The following FAM83H variants were observed in gnomAD, a reference collection of about 807,000 sequenced individuals.
FAM83H encodes scaffolding CK1 anchoring protein H.
A neutral mutation model predicts 30.2 loss-of-function variants in FAM83H; 24 were observed. The ratio of observed to expected loss-of-function variants is 0.79; its 90% CI spans 0.57 to 1.12. The LOEUF (loss-of-function observed/expected upper bound fraction) is 1.12, where lower values mean the gene tolerates loss of function less well. Among genes scored for constraint, FAM83H ranks in the 50% most tolerant of loss-of-function variants. The pLI is 0.00. For missense variants in FAM83H, 2,038 were observed against 1,773.9 expected (o/e 1.15, Z -2.67); for synonymous variants, 1,013 against 821.7 (o/e 1.23, Z -3.98).
At position 143,726,944 on chromosome 8, in the gene FAM83H, C is replaced by G; in HGVS notation, c.2517G>C (p.Gln839His). 6.2e-7 allele frequency: 1 copy of G among 1,611,254 alleles called. No individual in the cohort carries two copies. The highest frequency in any genetic ancestry group is 8.5e-7 in the Non-Finnish European group (1 of 1,179,440). Residue 839 changes from glutamine to histidine, a missense_variant, in exon 5 of 5, where the codon CAG becomes CAC. By Grantham distance (24) the Gln-to-His change is conservative. Transcript: ENST00000388913. The stretch of plus-strand genomic sequence containing the variant: ...GCCCTTGCGGGGACGTTGAGTGGCT[C>G]TGGGCAGAGAGGAAGCGGGAAGGCA... ...DRLPSRFLSA[Q>H]SHSTSPQGLD...
In FAM83H at chr8:143,726,718, G is replaced by T. The variant is rs1554622017; in HGVS notation, c.2743C>A (p.Pro915Thr). Reference protein sequence around the residue: ...TSAYPERRGSPVPPVPERRSS... With the variant: ...TSAYPERRGSTVPPVPERRSS... ...CTGCGCTCCGGCACGGGGGGCACCGGACTACCCCTGCGCTCGGGGTAGGCT... is the reference window on the plus strand; with the variant it reads ...CTGCGCTCCGGCACGGGGGGCACCGTACTACCCCTGCGCTCGGGGTAGGCT... Residue 915 changes from proline (P) to threonine (T), a missense_variant, in exon 5 of 5, where the codon CCG (proline) becomes ACG (threonine). Coordinates refer to ENST00000388913, the MANE Select transcript of FAM83H (RefSeq NM_198488.5). The T allele has an allele frequency of 6.2e-7, 1 of 1,608,186 alleles. No homozygotes were observed. Among genetic ancestry groups the T allele is most frequent in the Non-Finnish European group, 8.5e-7 (1 of 1,178,572 alleles).
In FAM83H at chr8:143,725,156, C is replaced by CGGGGGGGGGGGGGGGGGGG. The variant is rs549881150; in HGVS notation, c.*764_*765insCCCCCCCCCCCCCCCCCCC. ...AAGCCCAGGCGGGGGAGGGGGGAGACGGGGGGGGGGGGGGGGGAGGGAAGG... is the reference window on the plus strand; with the variant it reads ...AAGCCCAGGCGGGGGAGGGGGGAGACGGGGGGGGGGGGGGGGGGGGGGGGGGGGGGGGGGGGAGGGAAGG... On this transcript the variant is annotated 3_prime_UTR_variant, in exon 5 of 5. Coordinates refer to ENST00000388913, the MANE Select transcript of FAM83H (RefSeq NM_198488.5). The CGGGGGGGGGGGGGGGGGGG allele has an allele frequency of 1.3e-4, 5 of 37,572 alleles. 1 individual carries two copies. Among genetic ancestry groups the CGGGGGGGGGGGGGGGGGGG allele is most frequent in the Admixed American group, 4.7e-4 (2 of 4,226 alleles). 2.3% of individuals were successfully genotyped at this position (37,572 alleles called of 1,614,324 possible).
At chr8:143,728,876 C>T in intron 4 of FAM83H, 91 bp downstream of exon 4, 10 of 1,605,486 alleles carry the variant, frequency 6.2e-6, no homozygotes, top group Non-Finnish European at 6.8e-6. Flanking sequence ...GACAAGGGCT[C>T]CTGGCGAGGA....
Position 143,725,788 on chromosome 8 carries a change from A to G in FAM83H, c.*133T>C. 2.7e-6 allele frequency: 4 copies of G among 1,475,390 alleles called. No homozygotes were observed. Among genetic ancestry groups the G allele is most frequent in the Non-Finnish European group, 3.7e-6 (4 of 1,095,614 alleles). The allele number at this position is 1,475,390 out of a possible 1,614,324, so 91.4% of individuals were successfully genotyped here. A position where few individuals can be genotyped will look rare whatever the true frequency, so the allele number is the denominator to read the frequency against. On this transcript the variant is annotated 3_prime_UTR_variant, in exon 5 of 5. Coordinates refer to ENST00000388913, the MANE Select transcript of FAM83H (RefSeq NM_198488.5). ...AGTGGAGCCGAGGTCTGGCGCACTC[A>G]GCCAAGCCCCAAGCGGCCGTGGCCT...
chr8:143,727,541 G>T lies in FAM83H; in HGVS notation c.1920C>A (p.Val640=). ...CGCCGCTGCCCGGGCCTGGCACCGG[G>T]ACCTTGGTGGGGAAGGCTGCTGGGA... The part of the protein sequence containing the change: ...FRVPAAFPTK[V]PVPGPGSGGN... The change falls in exon 5 of 5, where the codon GTC becomes GTA. Residue 640 remains valine (V), a synonymous_variant. Transcript: ENST00000388913. 1 of 1,586,086 alleles carries T rather than the reference G, an allele frequency of 6.3e-7. No individual in the cohort carries two copies.
intron 1 of FAM83H, among the ~76,000 whole-genome samples, chr8:143,730,944 C>T (rs1300181837): frequency 2.0e-5 from 3 of 152,086 alleles, no homozygotes; most frequent in Non-Finnish European, 4.4e-5. Context: ...AAATTTTAAA[C>T]ATTAGGCAGG....
Position 143,732,800 on chromosome 8 carries a change from C to G in FAM83H, c.-16+891G>C, listed in dbSNP as rs979265566. The stretch of plus-strand genomic sequence containing the variant: ...GCCCACACATTTGCCTACCAAACGT[C>G]TGCCCAAGGGAGGGAGGGCGCGGAA... On this transcript the variant is annotated intron_variant, in intron 1 of 4. Coordinates refer to ENST00000388913, the MANE Select transcript of FAM83H (RefSeq NM_198488.5). The G allele has an allele frequency of 1.4e-5, 13 of 947,344 alleles. No individual in the cohort carries two copies. The South Asian group carries it at 5.4e-4, about 39-fold the overall frequency. The allele number at this position is 947,344 out of a possible 1,614,324, so 58.7% of individuals were successfully genotyped here. A position where few individuals can be genotyped will look rare whatever the true frequency, so the allele number is the denominator to read the frequency against.
chr8:143,726,816 G>C lies in FAM83H; in HGVS notation c.2645C>G (p.Pro882Arg), dbSNP rs199730760. ...TSAYPERKGSPTPGFSTRRGS... is the reference protein window; with the variant it reads ...TSAYPERKGSRTPGFSTRRGS... ...TCTTCGAGTGGAAAACCCAGGCGTG[G>C]GGCTCCCCTTCCGCTCAGGGTAAGC... The change falls in exon 5 of 5, where the codon CCC becomes CGC. Residue 882 changes from proline (P) to arginine (R), a missense_variant. Transcript: ENST00000388913. 1 of 1,612,872 alleles carries C rather than the reference G, an allele frequency of 6.2e-7. No individual in the cohort carries two copies. Among genetic ancestry groups the C allele is most frequent in the Admixed American group, 1.7e-5 (1 of 59,996 alleles).
At chr8:143,732,620 C>T (rs2129708848) in intron 1 of FAM83H, 2 of 985,348 alleles carry the variant, frequency 2.0e-6, no homozygotes, top group Middle Eastern at 5.2e-4. Context: ...CAGGAGCCCT[C>T]CCAGCAGACA....
Position 143,728,439 on chromosome 8 carries a change from G to A in FAM83H, c.1022C>T (p.Pro341Leu), listed in dbSNP as rs782412587. 6 of 1,550,140 alleles carry A rather than the reference G, an allele frequency of 3.9e-6. No individual in the cohort carries two copies. Among genetic ancestry groups the A allele is most frequent in the Non-Finnish European group, 5.2e-6 (6 of 1,146,514 alleles). Reference protein sequence around the residue: ...PPPREEGLGFPSFLDPDRHFL... With the variant: ...PPPREEGLGFLSFLDPDRHFL... ...GTGGCGGTCCGGGTCGAGGAAGGAG[G>A]GGAAGCCCAGGCCCTCTTCCCGGGG... The change falls in exon 5 of 5, where the codon CCC becomes CTC. Residue 341 changes from proline (P) to leucine (L), a missense_variant. Pro to Leu is a moderately conservative substitution (Grantham distance 98). Coordinates refer to ENST00000388913, the MANE Select transcript of FAM83H (RefSeq NM_198488.5).
rs782204720 is a variant in FAM83H at position 143,725,941 on chromosome 8, T to G, written c.3520A>C (p.Thr1174Pro). The change falls in exon 5 of 5, where the codon ACG becomes CCG. Residue 1174 changes from threonine (T) to proline (P), a missense_variant. Thr to Pro is a conservative substitution (Grantham distance 38). Coordinates refer to ENST00000388913, the MANE Select transcript of FAM83H (RefSeq NM_198488.5). ...VGKFVPKILG[T>P]FKSKK Reference sequence around the variant, plus strand: ...AAGACTCACTTCTTGCTTTTGAACGTGCCCAGGATCTTGGGCACGAACTTG... The same window carrying G: ...AAGACTCACTTCTTGCTTTTGAACGGGCCCAGGATCTTGGGCACGAACTTG... The G allele has an allele frequency of 6.2e-7, 1 of 1,612,984 alleles. No individual in the cohort carries two copies.
rs910220907 is a variant in FAM83H, at chr8:143,731,715, C to T, written c.-15-1118G>A. 6.1e-6 allele frequency: 6 copies of T among 985,350 alleles called. No individual in the cohort carries two copies. In the South Asian group the frequency reaches 2.8e-4, roughly 46 times the overall value. 61.0% of individuals were successfully genotyped at this position (985,350 alleles called of 1,614,324 possible). On this transcript the variant is annotated intron_variant, in intron 1 of 4. Coordinates refer to ENST00000388913, the MANE Select transcript of FAM83H (RefSeq NM_198488.5). ...GCCCAAATCTGGCTCTCCACTTGCT[C>T]AGAGTCCTGTCCCCACCAGCCCCCA...
rs562853347 is a variant in FAM83H, at chr8:143,726,108, C to T, written c.3353G>A (p.Arg1118Gln). The T allele has an allele frequency of 1.3e-5, 21 of 1,611,408 alleles. No homozygotes were observed. The highest frequency in any genetic ancestry group is 5.5e-5 in the South Asian group (5 of 90,888). ...CATGCTCTCCATGCGGCGCAGCAGCCGATCGCGCTCCTCCGCGCTGGCTGG... is the reference window on the plus strand; with the variant it reads ...CATGCTCTCCATGCGGCGCAGCAGCTGATCGCGCTCCTCCGCGCTGGCTGG... The part of the protein sequence containing the change: ...TLPASAEERD[R>Q]LLRRMESMRK... The change falls in exon 5 of 5, where the codon CGG (arginine) becomes CAG (glutamine). Residue 1118 changes from arginine (R) to glutamine (Q), a missense_variant. Arg to Gln is a conservative substitution (Grantham distance 43). Coordinates refer to ENST00000388913, the MANE Select transcript of FAM83H (RefSeq NM_198488.5).
In FAM83H at chr8:143,727,960, C is replaced by T. The variant is rs782370916; in HGVS notation, c.1501G>A (p.Gly501Arg). 18 of 1,561,846 alleles carry T rather than the reference C, an allele frequency of 1.2e-5. No individual in the cohort carries two copies. In the Admixed American group the frequency reaches 1.3e-4, roughly 12 times the overall value. The change falls in exon 5 of 5, where the codon GGA (glycine) becomes AGA (arginine). Residue 501 changes from glycine to arginine, a missense_variant. Coordinates refer to ENST00000388913, the MANE Select transcript of FAM83H (RefSeq NM_198488.5). ...TCCAGCCGCTGGTGCCCGTCGGGTC[C>T]GAGCTCCGGGAAGCGGGGCCCGGCG... ...LGAGPRFPEL[G>R]PDGHQRLDYV... is the part of the protein sequence containing the mutation.
chr8:143,733,677 G>T lies in FAM83H; in HGVS notation c.-16+14C>A, dbSNP rs1201333860. On this transcript the variant is annotated intron_variant, in intron 1 of 4. Coordinates refer to ENST00000388913, the MANE Select transcript of FAM83H (RefSeq NM_198488.5). The surrounding 1 kb of genome is among the most constrained non-coding windows in gnomAD (Gnocchi z 5.6). ...TCGCCCCGCCCCGCTCGGGCCGGGG[G>T]AGGGGGGCCCTACCTGGCCAGGTGC... is the stretch of plus-strand genomic sequence containing the variant. 1.3e-5 allele frequency: 2 copies of T among 150,464 alleles called. No individual in the cohort carries two copies. Among genetic ancestry groups the T allele is most frequent in the Non-Finnish European group, 3.0e-5 (2 of 67,446 alleles). 9.3% of individuals were successfully genotyped at this position (150,464 alleles called of 1,614,324 possible).
In FAM83H at chr8:143,726,599, C is replaced by T. The variant is rs1554621930; in HGVS notation, c.2862G>A (p.Gly954=). ...GCAGGACTTCCATGGGGCCGCTCGG[C>T]CCCTCCTCCGCGGGCCCGGCCTTCG... The part of the protein sequence containing the change: ...ESPKAGPAEE[G]PSGPMEVLRK... The change falls in exon 5 of 5, where the codon GGG becomes GGA. Residue 954 remains glycine, a synonymous_variant. Coordinates refer to ENST00000388913, the MANE Select transcript of FAM83H (RefSeq NM_198488.5). 1 of 1,601,276 alleles carries T rather than the reference C, an allele frequency of 6.2e-7. No homozygotes were observed. Among genetic ancestry groups the T allele is most frequent in the Non-Finnish European group, 8.5e-7 (1 of 1,179,112 alleles).
chr8:143,730,730 T>C (rs1554624317), intron 1 of FAM83H, 133 bp from the exon 2 acceptor site: 2 of 680,864 alleles, frequency 2.9e-6, no homozygotes, highest in Non-Finnish European at 4.7e-6. Flanking sequence ...CCAGGAGGCC[T>C]TCCAGGGCAC....
At position 143,725,010 on chromosome 8, in the gene FAM83H, G is replaced by GCCCCCCCCCC. The variant is rs1818225134; in HGVS notation, c.*910_*911insGGGGGGGGGG. On this transcript the variant is annotated 3_prime_UTR_variant, in exon 5 of 5. Transcript: ENST00000388913. ...CTTCTGGTCCAGCTCCCCCCCCCCT[G>GCCCCCCCCCC]CCCCACCCACCCCTTGCAAACTGCC... 4.0e-5 allele frequency: 4 copies of GCCCCCCCCCC among 100,178 alleles called. No individual in the cohort carries two copies. Among genetic ancestry groups the GCCCCCCCCCC allele is most frequent in the Admixed American group, 1.2e-4 (1 of 8,614 alleles). The allele number at this position is 100,178 out of a possible 1,614,324, so 6.2% of individuals were successfully genotyped here. A position where few individuals can be genotyped will look rare whatever the true frequency, so the allele number is the denominator to read the frequency against.
chr8:143,730,179 C>G lies in FAM83H; in HGVS notation c.404G>C (p.Ser135Thr), dbSNP rs781825940. 7 of 1,607,136 alleles carry G rather than the reference C, an allele frequency of 4.4e-6. No homozygotes were observed. Among genetic ancestry groups the G allele is most frequent in the Non-Finnish European group, 6.0e-6 (7 of 1,175,494 alleles). Residue 135 changes from serine (S) to threonine (T), a missense_variant, in exon 2 of 5, where the codon AGT becomes ACT. By Grantham distance (58) the Ser-to-Thr change is moderately conservative. Coordinates refer to ENST00000388913, the MANE Select transcript of FAM83H (RefSeq NM_198488.5). Reference protein sequence around the residue: ...LVQPPPPDSPSIKDEARRMIR... With the variant: ...LVQPPPPDSPTIKDEARRMIR... The stretch of plus-strand genomic sequence containing the variant: ...CATCCTGCGGGCCTCATCCTTGATA[C>G]TGGGGCTGTCGGGGGGCGGTGGCTG...
Sources: gnomAD v4.1 joint callset for allele counts (sites outside exome capture counted in the v4.1 genomes callset) on GRCh38, gnomAD v4.1.1 for gene constraint, Gnocchi (gnomAD v3.1) non-coding constraint, MANE v1.5 for transcripts, NCBI Gene and HGNC (gene_info 2026-07-23, HGNC 2026-07-21) for gene names.